DNM3: variants seen among roughly 807,000 people sequenced by gnomAD.
The protein encoded by DNM3 is dynamin-3.
In DNM3, 47 loss-of-function variants were observed where a neutral mutation model predicts 101.6. The ratio of observed to expected loss-of-function variants is 0.46; its 90% CI spans 0.37 to 0.59. The LOEUF (loss-of-function observed/expected upper bound fraction) is 0.59, where lower values mean the gene tolerates loss of function less well. Ranked by LOEUF, DNM3 falls within the 20% of genes least tolerant of loss-of-function variation. The pLI is 0.00. For missense variants in DNM3, 849 were observed against 1,085.7 expected, an observed-to-expected ratio of 0.78 and a Z score of 3.06; for synonymous variants, 385 against 387.9, an observed-to-expected ratio of 0.99 and a Z score of 0.09.
chr1:172,151,353 C>G (rs1046200758), intron 14 of DNM3, among the ~76,000 whole-genome samples: 1 of 152,112 alleles, frequency 6.6e-6, no homozygotes, highest in Non-Finnish European at 1.5e-5. Context: ...TGTAATTTTG[C>G]AAATGCAACA....
At chr1:172,351,198 A>C (rs2067188390) in intron 17 of DNM3, among the ~76,000 whole-genome samples, 1 of 152,172 alleles carries the variant, frequency 6.6e-6, no homozygotes, top group African/African-American at 2.4e-5. Flanking sequence ...AAAAATTTAG[A>C]TATTACACCT....
At chr1:172,287,048 C>T (rs1052679705) in intron 15 of DNM3, among the ~76,000 whole-genome samples, 5 of 152,124 alleles carry the variant, frequency 3.3e-5, no homozygotes, top group Non-Finnish European at 5.9e-5. Flanking sequence ...TCCTTTATAG[C>T]TCACCAGTCA....
At chr1:172,119,084 C>T (rs1404885578) in intron 13 of DNM3, among the ~76,000 whole-genome samples, 1 of 151,878 alleles carries the variant, frequency 6.6e-6, no homozygotes, top group Non-Finnish European at 1.5e-5. Flanking sequence ...CCTCCGCCTC[C>T]CGGGTTCAAG....
At chr1:172,278,100 A>C (rs547338138) in intron 15 of DNM3, among the ~76,000 whole-genome samples, 1 of 152,130 alleles carries the variant, frequency 6.6e-6, no homozygotes, top group Admixed American at 6.6e-5. Flanking sequence ...GGTTTGACCC[A>C]TAATTCTACT....
At chr1:172,398,873 G>C (rs542664555) in intron 20 of DNM3, among the ~76,000 whole-genome samples, 1 of 152,172 alleles carries the variant, frequency 6.6e-6, no homozygotes, top group East Asian at 1.9e-4. Flanking sequence ...TTAAAATGTG[G>C]GTGTACCATT....
chr1:172,044,507 T>G, intron 9 of DNM3, 55 bp downstream of exon 9: 1 of 1,428,906 alleles, frequency 7.0e-7, no homozygotes, highest in Middle Eastern at 1.8e-4. Flanking sequence ...AGAAAATTAA[T>G]GTTTATAAAT....
chr1:172,289,855 T>C (rs1557939255), intron 15 of DNM3: 1 of 980,402 alleles, frequency 1.0e-6, no homozygotes, highest in Admixed American at 6.2e-5. Flanking sequence ...TTCTTTCCTA[T>C]TTAACTTTTA....
At chr1:171,948,137 A>T (rs1189942634) in intron 2 of DNM3, among the ~76,000 whole-genome samples, 1 of 152,246 alleles carries the variant, frequency 6.6e-6, no homozygotes, top group African/African-American at 2.4e-5. Flanking sequence ...CTCTACTTGT[A>T]GCAAACAGAC....
At chr1:171,947,076 G>A (rs1238335325) in intron 2 of DNM3, among the ~76,000 whole-genome samples, 2 of 152,220 alleles carry the variant, frequency 1.3e-5, no homozygotes, top group African/African-American at 4.8e-5. Flanking sequence ...ATGCTAGGCA[G>A]TTTGGTGAAC....
At chr1:172,033,351 T>C (rs753634295) in intron 6 of DNM3, 86 bp downstream of exon 6, 60 of 1,402,232 alleles carry the variant, frequency 4.3e-5, no homozygotes, top group Non-Finnish European at 5.6e-5. Context: ...TTAAGTTTAT[T>C]TTTTTTTCCA....
At chr1:172,199,275 G>A (rs2060064951) in intron 14 of DNM3, among the ~76,000 whole-genome samples, 1 of 151,948 alleles carries the variant, frequency 6.6e-6, no homozygotes, top group East Asian at 1.9e-4. Context: ...TCAAGGTTGT[G>A]TTTAGTATTA....
chr1:172,373,901 A>G (rs918599185), intron 17 of DNM3, among the ~76,000 whole-genome samples: 1 of 152,078 alleles, frequency 6.6e-6, no homozygotes, highest in Admixed American at 6.6e-5. Context: ...ATCTTCACAA[A>G]GTTATTTTTC....
At chr1:172,341,761 C>G (rs1471351577) in intron 17 of DNM3, among the ~76,000 whole-genome samples, 3 of 151,578 alleles carry the variant, frequency 2.0e-5, no homozygotes, top group Non-Finnish European at 4.4e-5. Context: ...AATGTAAAAT[C>G]TATAAGTATA....
chr1:172,039,081 G>T (rs2049172547), intron 7 of DNM3, among the ~76,000 whole-genome samples: 1 of 152,016 alleles, frequency 6.6e-6, no homozygotes, highest in Non-Finnish European at 1.5e-5. Flanking sequence ...TCTTGGGGTA[G>T]GATAGCAGAG....
intron 1 of DNM3, among the ~76,000 whole-genome samples, chr1:171,905,554 C>T (rs1353082366): frequency 6.6e-6 from 1 of 152,018 alleles, no homozygotes; most frequent in Non-Finnish European, 1.5e-5. Flanking sequence ...AGACCTGTCT[C>T]AAGGTAGCTG....
chr1:172,135,739 A>G (rs924767709), intron 14 of DNM3, among the ~76,000 whole-genome samples: 2 of 152,098 alleles, frequency 1.3e-5, no homozygotes, highest in African/African-American at 4.8e-5. Context: ...TTTTACATTA[A>G]TACTTTAAAA....
intron 14 of DNM3, among the ~76,000 whole-genome samples, chr1:172,230,356 A>G (rs1319666971): frequency 1.3e-5 from 2 of 152,164 alleles, no homozygotes; most frequent in African/African-American, 2.4e-5. Flanking sequence ...TATTCAATTG[A>G]TTTTGAGAAT....
At chr1:172,391,958 A>G (rs1272667958) in intron 20 of DNM3, among the ~76,000 whole-genome samples, 1 of 152,244 alleles carries the variant, frequency 6.6e-6, no homozygotes, top group Non-Finnish European at 1.5e-5. Context: ...TTGACTTTTA[A>G]GAGCATATAT....
chr1:172,005,595 A>G (rs2046635633), intron 4 of DNM3, among the ~76,000 whole-genome samples: 1 of 152,016 alleles, frequency 6.6e-6, no homozygotes, highest in Non-Finnish European at 1.5e-5. Flanking sequence ...AGCCAGAGCC[A>G]CCCTTTCAAA....
Sources: gnomAD v4.1 joint callset for allele counts (sites outside exome capture counted in the v4.1 genomes callset) on GRCh38, gnomAD v4.1.1 for gene constraint, MANE v1.5 for transcripts, NCBI Gene and HGNC (gene_info 2026-07-23, HGNC 2026-07-21) for gene names.